The following TRDN variants were observed in gnomAD, a reference collection of about 807,000 sequenced individuals.
The protein encoded by TRDN is triadin in skeletal muscle.
In TRDN, 161 loss-of-function variants were observed where a neutral mutation model predicts 149.7. The observed-to-expected ratio is 1.08, with a 90% confidence interval of 0.95 to 1.23. The LOEUF is 1.23. Among genes scored for constraint, TRDN ranks in the 50% most tolerant of loss-of-function variants. TRDN has a pLI of 0.00. For missense variants in TRDN, 896 were observed against 823.5 expected (o/e 1.09, Z -1.08); for synonymous variants, 294 against 250.5 (o/e 1.17, Z -1.64).
At position 123,515,955 on chromosome 6, in the gene TRDN, T is replaced by C. The variant is rs565815833; in HGVS notation, c.550+186A>G. Among the ~76,000 whole-genome samples, 114 of 152,226 alleles carry C rather than the reference T, an allele frequency of 7.5e-4. 1 individual carries two copies. Among genetic ancestry groups the C allele is most frequent in the Non-Finnish European group, 1.0e-4 (7 of 67,990 alleles). The stretch of plus-strand genomic sequence containing the variant: ...AAGTTACCACTTTCCAGTTCAACAG[T>C]TCTTAACAGTCTGAAGTATTTTATT... On this transcript the variant is annotated intron_variant, in intron 6 of 40. Coordinates refer to ENST00000334268, the MANE Select transcript of TRDN (RefSeq NM_006073.4).
At chr6:123,571,812 C>T (rs1006820520) in intron 1 of TRDN, among the ~76,000 whole-genome samples, 3 of 151,872 alleles carry the variant, frequency 2.0e-5, no homozygotes, top group African/African-American at 7.3e-5. Context: ...GGCAATATAT[C>T]AGAAGTGTGT....
chr6:123,479,281 C>G (rs9490782), intron 9 of TRDN, among the ~76,000 whole-genome samples: 4,288 of 152,104 alleles, frequency 0.028, 172 homozygotes, highest in East Asian at 0.094. Context: ...GGGAAGTTTA[C>G]TAATTTATGA....
At chr6:123,338,461 G>T (rs1376379622) in intron 21 of TRDN, among the ~76,000 whole-genome samples, 2 of 152,114 alleles carry the variant, frequency 1.3e-5, no homozygotes, top group Non-Finnish European at 2.9e-5. Flanking sequence ...AAATGCAGCT[G>T]CCATGTGAGT....
At chr6:123,243,454 C>T (rs1474344247) in intron 38 of TRDN, among the ~76,000 whole-genome samples, 1 of 152,024 alleles carries the variant, frequency 6.6e-6, no homozygotes, top group Non-Finnish European at 1.5e-5. Context: ...CACAAAATCC[C>T]ACAAAAACAA....
At chr6:123,566,261 A>C (rs1449167450) in intron 2 of TRDN, among the ~76,000 whole-genome samples, 1 of 152,206 alleles carries the variant, frequency 6.6e-6, no homozygotes, top group South Asian at 2.1e-4. Flanking sequence ...ATAGAAAGCA[A>C]GATGTTATCC....
At chr6:123,539,006 G>T (rs1780689274) in intron 4 of TRDN, among the ~76,000 whole-genome samples, 2 of 152,118 alleles carry the variant, frequency 1.3e-5, no homozygotes, top group Admixed American at 1.3e-4. Flanking sequence ...GGCTGTGTTA[G>T]CGTGTTTCAT....
intron 24 of TRDN, among the ~76,000 whole-genome samples, chr6:123,279,403 A>G (rs550590026): frequency 1.2e-4 from 18 of 152,298 alleles, no homozygotes; most frequent in African/African-American, 4.3e-4. Context: ...GTGTTCCAAT[A>G]AAACTTTATA....
chr6:123,333,137 G>A (rs1024040227), intron 22 of TRDN, among the ~76,000 whole-genome samples: 2 of 151,982 alleles, frequency 1.3e-5, no homozygotes, highest in African/African-American at 4.8e-5. Context: ...AGCTGATGGG[G>A]GTAATTTACT....
At chr6:123,535,095 G>A (rs1250272381) in intron 4 of TRDN, among the ~76,000 whole-genome samples, 1 of 152,106 alleles carries the variant, frequency 6.6e-6, no homozygotes, top group East Asian at 1.9e-4. Flanking sequence ...CTTAATCCAC[G>A]TGTGAGTCTG....
chr6:123,334,703 A>AT (rs570666465), intron 22 of TRDN, among the ~76,000 whole-genome samples: 228 of 149,892 alleles, frequency 1.5e-3, no homozygotes, highest in South Asian at 0.011. Flanking sequence ...CATTCTCCTG[A>AT]TTTTTTTTTT....
At chr6:123,285,605 A>T (rs1027493929) in intron 24 of TRDN, among the ~76,000 whole-genome samples, 2 of 152,016 alleles carry the variant, frequency 1.3e-5, no homozygotes, top group African/African-American at 4.8e-5. Flanking sequence ...AATCAGAAAA[A>T]CCCTTCTAGA....
At chr6:123,535,879 A>G (rs1264873506) in intron 4 of TRDN, among the ~76,000 whole-genome samples, 1 of 152,168 alleles carries the variant, frequency 6.6e-6, no homozygotes, top group Non-Finnish European at 1.5e-5. Flanking sequence ...GCATTTTGAT[A>G]GGAAAATGTA....
At chr6:123,462,083 A>G (rs1776482368) in intron 10 of TRDN, among the ~76,000 whole-genome samples, 1 of 152,240 alleles carries the variant, frequency 6.6e-6, no homozygotes, top group African/African-American at 2.4e-5. Context: ...GATGATGTGA[A>G]GTGGTTATTG....
chr6:123,328,207 T>G (rs1318943927), intron 23 of TRDN, among the ~76,000 whole-genome samples: 1 of 152,194 alleles, frequency 6.6e-6, no homozygotes, highest in African/African-American at 2.4e-5. Context: ...ATCAAGAATC[T>G]AAATCTTCCC....
intron 23 of TRDN, among the ~76,000 whole-genome samples, chr6:123,331,150 CA>C (rs1779646487): frequency 6.6e-6 from 1 of 152,040 alleles, no homozygotes; most frequent in African/African-American, 2.4e-5. Flanking sequence ...GCCATGTCCA[CA>C]GAATATACTT....
chr6:123,542,348 T>C (rs56118464), intron 4 of TRDN, among the ~76,000 whole-genome samples: 66 of 152,316 alleles, frequency 4.3e-4, no homozygotes, highest in African/African-American at 1.5e-3. Context: ...GATAAACCTA[T>C]AGCCCATAAG....
In TRDN at chr6:123,438,062, C is replaced by T. The variant is rs535908547; in HGVS notation, c.1051+1G>A. 2.6e-5 allele frequency: 41 copies of T among 1,596,200 alleles called. No homozygotes were observed. The highest frequency in any genetic ancestry group is 3.4e-5 in the Non-Finnish European group (40 of 1,172,436). On this transcript the variant is annotated splice_donor_variant, in intron 12 of 40. Coordinates refer to ENST00000334268, the MANE Select transcript of TRDN (RefSeq NM_006073.4). LOFTEE classifies it high-confidence loss of function. ...CTAAGGAAACAAAGAAAGTGCAATA[C>T]CTTTTTTTTCCACATCAATGGCAGT...
chr6:123,458,631 A>G (rs1776267949), intron 10 of TRDN, among the ~76,000 whole-genome samples: 1 of 152,210 alleles, frequency 6.6e-6, no homozygotes, highest in African/African-American at 2.4e-5. Flanking sequence ...ATAAATAGAT[A>G]GAGAGATAGA....
intron 38 of TRDN, among the ~76,000 whole-genome samples, chr6:123,235,746 A>G (rs9388193): frequency 0.3 from 46,211 of 151,956 alleles, 7,187 homozygotes; most frequent in Non-Finnish European, 0.34. Flanking sequence ...CCTAACCTTG[A>G]GCAACTACTG....
Sources: gnomAD v4.1 joint callset for allele counts (sites outside exome capture counted in the v4.1 genomes callset) on GRCh38, gnomAD v4.1.1 for gene constraint, MANE v1.5 for transcripts, NCBI Gene and HGNC (gene_info 2026-07-23, HGNC 2026-07-21) for gene names.